The following ZNF19 variants were observed in gnomAD, a reference collection of about 807,000 sequenced individuals.
The protein encoded by ZNF19 is zinc finger protein 19 (KOX 12).
In ZNF19, 11 loss-of-function variants were observed where a neutral mutation model predicts 13.1. The ratio of observed to expected loss-of-function variants is 0.84; its 90% CI spans 0.53 to 1.39. ZNF19 has a LOEUF of 1.39. Ranked by LOEUF, ZNF19 falls within the 40% of genes most tolerant of loss-of-function variation. The probability of loss-of-function intolerance (pLI) is 0.00; values close to 1 mark genes in which losing one functional copy is unlikely to be tolerated. For missense variants in ZNF19, 560 were observed against 547.0 expected, an observed-to-expected ratio of 1.02 and a Z score of -0.24; for synonymous variants, 186 against 187.0, an observed-to-expected ratio of 0.99 and a Z score of 0.04.
chr16:71,487,778 C>G (rs920914867), intron 1 of ZNF19, among the ~76,000 whole-genome samples: 3 of 152,130 alleles, frequency 2.0e-5, no homozygotes, highest in African/African-American at 7.2e-5. Context: ...TCTGAAAATC[C>G]CAGCCACAAA....
chr16:71,478,756 A>T, intron 4 of ZNF19, 123 bp downstream of exon 4: 1 of 1,346,622 alleles, frequency 7.4e-7, no homozygotes, highest in Non-Finnish European at 1.0e-6. Flanking sequence ...CTCTGCAGTC[A>T]CTCAGTGGAG....
intron 5 of ZNF19, 174 bp downstream of exon 5, chr16:71,478,054 G>C: frequency 1.7e-6 from 1 of 581,220 alleles, no homozygotes. Context: ...TTGCAGATGA[G>C]ACGTACTGAG....
In ZNF19 at chr16:71,478,886, A is replaced by T. The variant is rs1243617662; in HGVS notation, c.153T>A (p.Thr51=). Reference sequence around the variant, plus strand: ...GGAGGAAAATGGCCTTACCCAAAGCAGTCAGGTTCCCAAAATTCTCCAACA... The same window carrying T: ...GGAGGAAAATGGCCTTACCCAAAGCTGTCAGGTTCCCAAAATTCTCCAACA... ...SVMLENFGNL[T]ALGYPVPKPA... is the part of the protein sequence containing the mutation. Residue 51 remains threonine, a synonymous_variant, in exon 4 of 6, where the codon ACT becomes ACA. Coordinates refer to ENST00000288177, the MANE Select transcript of ZNF19 (RefSeq NM_006961.4). 1 of 1,614,020 alleles carries T rather than the reference A, an allele frequency of 6.2e-7. No individual in the cohort carries two copies. The highest frequency in any genetic ancestry group is 1.3e-5 in the African/African-American group (1 of 74,948).
chr16:71,484,745 A>G lies in ZNF19; in HGVS notation c.-186T>C. On this transcript the variant is annotated 5_prime_UTR_variant, in exon 2 of 6. Transcript: ENST00000288177. ...GGAGTTTCCACCCGGGGATCCTCAG[A>G]GACCTTGAATAGGAAAGAAAGTATA... 1.0e-6 allele frequency: 1 copy of G among 985,360 alleles called. No individual in the cohort carries two copies. Among genetic ancestry groups the G allele is most frequent in the Non-Finnish European group, 1.2e-6 (1 of 829,866 alleles). The allele number at this position is 985,360 out of a possible 1,614,324, so 61.0% of individuals were successfully genotyped here. A position where few individuals can be genotyped will look rare whatever the true frequency, so the allele number is the denominator to read the frequency against.
In ZNF19 at chr16:71,478,765, A is replaced by G; in HGVS notation, c.160+114T>C. 3 of 1,410,780 alleles carry G rather than the reference A, an allele frequency of 2.1e-6. No homozygotes were observed. In the Admixed American group the frequency reaches 6.3e-5, roughly 30 times the overall value. The allele number at this position is 1,410,780 out of a possible 1,614,324, so 87.4% of individuals were successfully genotyped here. ...CCTCAGCTCTGCAGTCACTCAGTGG[A>G]GGACACAAGAGACAACCTCTCCTCT... On this transcript the variant is annotated intron_variant, in intron 4 of 5. Coordinates refer to ENST00000288177, the MANE Select transcript of ZNF19 (RefSeq NM_006961.4).
intron 1 of ZNF19, chr16:71,487,280 G>C (rs1012261798): frequency 6.6e-6 from 1 of 152,124 alleles, no homozygotes; most frequent in Admixed American, 6.6e-5. Context: ...TGGTTGTTTC[G>C]AAGTGTGTTG....
intron 3 of ZNF19, among the ~76,000 whole-genome samples, chr16:71,479,767 T>A (rs1484655380): frequency 6.6e-6 from 1 of 151,746 alleles, no homozygotes; most frequent in African/African-American, 2.4e-5. Flanking sequence ...TTTTTTTTTC[T>A]TTCTTTCTTT....
chr16:71,480,966 A>G (rs2043633615), intron 3 of ZNF19, among the ~76,000 whole-genome samples: 2 of 152,224 alleles, frequency 1.3e-5, no homozygotes, highest in African/African-American at 4.8e-5. Flanking sequence ...GTGCACAACT[A>G]TACACAGAGA....
In ZNF19 at chr16:71,475,490, C is replaced by T; in HGVS notation, c.1057G>A (p.Glu353Lys). The change falls in exon 6 of 6, where the codon GAG (glutamate) becomes AAG (lysine). Residue 353 changes from glutamate (E) to lysine (K), a missense_variant. By Grantham distance (56) the Glu-to-Lys change is moderately conservative. Transcript: ENST00000288177. ...KLTRHQRIHS[E>K]EKPFDCVDCG... The stretch of plus-strand genomic sequence containing the variant: ...TCTACACAGTCAAAGGGTTTCTCCT[C>T]ACTGTGAATTCTCTGGTGCCGAGTT... 1 of 1,614,188 alleles carries T rather than the reference C, an allele frequency of 6.2e-7. No homozygotes were observed. Among genetic ancestry groups the T allele is most frequent in the Non-Finnish European group, 8.5e-7 (1 of 1,180,016 alleles).
chr16:71,475,510 CGAGT>C lies in ZNF19; in HGVS notation c.1033_1036del (p.Thr345GlyfsTer15). The C allele has an allele frequency of 6.2e-7, 1 of 1,614,114 alleles. No individual in the cohort carries two copies. Among genetic ancestry groups the C allele is most frequent in the Non-Finnish European group, 8.5e-7 (1 of 1,180,024 alleles). Reference sequence around the variant, plus strand: ...CTCCTCACTGTGAATTCTCTGGTGCCGAGTTAGTTTTGTATGAAAATTGAAGGCT... The same window carrying C: ...CTCCTCACTGTGAATTCTCTGGTGCCTAGTTTTGTATGAAAATTGAAGGCT... On this transcript the variant is annotated frameshift_variant, in exon 6 of 6. Transcript: ENST00000288177. LOFTEE classifies it low-confidence loss of function (END_TRUNC).
chr16:71,482,944 C>G (rs945503277), intron 2 of ZNF19, among the ~76,000 whole-genome samples: 1 of 152,218 alleles, frequency 6.6e-6, no homozygotes, highest in Non-Finnish European at 1.5e-5. Flanking sequence ...CTCTAGCGAT[C>G]CACCCACCTC....
intron 5 of ZNF19, chr16:71,478,014 A>G: frequency 2.0e-6 from 1 of 503,792 alleles, no homozygotes. Flanking sequence ...GGCAATGTTG[A>G]AACTCAGAAA....
At chr16:71,488,298 T>C (rs1272031534) in intron 1 of ZNF19, among the ~76,000 whole-genome samples, 1 of 146,164 alleles carries the variant, frequency 6.8e-6, no homozygotes, top group Non-Finnish European at 1.5e-5. Context: ...AGGTGGAGGA[T>C]GCAGTAAGCT....
Position 71,475,030 on chromosome 16 carries a change from C to T in ZNF19, c.*140G>A. ...TGCAATCCTGGGACTCTAATTGAAC[C>T]ATCTTTGGTCATCTACTGACATCTG... On this transcript the variant is annotated 3_prime_UTR_variant, in exon 6 of 6. Coordinates refer to ENST00000288177, the MANE Select transcript of ZNF19 (RefSeq NM_006961.4). 1 of 1,062,582 alleles carries T rather than the reference C, an allele frequency of 9.4e-7. No individual in the cohort carries two copies. The highest frequency in any genetic ancestry group is 1.7e-5 in the South Asian group (1 of 57,470). 65.8% of individuals were successfully genotyped at this position (1,062,582 alleles called of 1,614,324 possible).
chr16:71,484,604 A>C lies in ZNF19; in HGVS notation c.-45T>G. 5.1e-6 allele frequency: 5 copies of C among 985,380 alleles called. No individual in the cohort carries two copies. Among genetic ancestry groups the C allele is most frequent in the Non-Finnish European group, 6.0e-6 (5 of 829,940 alleles). The allele number at this position is 985,380 out of a possible 1,614,324, so 61.0% of individuals were successfully genotyped here. On this transcript the variant is annotated 5_prime_UTR_variant, in exon 2 of 6. Coordinates refer to ENST00000288177, the MANE Select transcript of ZNF19 (RefSeq NM_006961.4). ...CAACACTCACCTCAGGAAAAACAGA[A>C]AGCGGTGCGTGAACGGAAGTGCGTC...
chr16:71,475,023 A>G lies in ZNF19; in HGVS notation c.*147T>C. 1 of 1,030,170 alleles carries G rather than the reference A, an allele frequency of 9.7e-7. No individual in the cohort carries two copies. The highest frequency in any genetic ancestry group is 1.4e-6 in the Non-Finnish European group (1 of 725,158). 63.8% of individuals were successfully genotyped at this position (1,030,170 alleles called of 1,614,324 possible). A position where few individuals can be genotyped will look rare whatever the true frequency, so the allele number is the denominator to read the frequency against. On this transcript the variant is annotated 3_prime_UTR_variant, in exon 6 of 6. Coordinates refer to ENST00000288177, the MANE Select transcript of ZNF19 (RefSeq NM_006961.4). Reference sequence around the variant, plus strand: ...TAGCTCTTGCAATCCTGGGACTCTAATTGAACCATCTTTGGTCATCTACTG... The same window carrying G: ...TAGCTCTTGCAATCCTGGGACTCTAGTTGAACCATCTTTGGTCATCTACTG...
chr16:71,484,109 G>A (rs1423115291), intron 2 of ZNF19, among the ~76,000 whole-genome samples: 2 of 152,250 alleles, frequency 1.3e-5, no homozygotes, highest in African/African-American at 2.4e-5. Flanking sequence ...TGCACGTCAA[G>A]AACTTGGTCT....
intron 1 of ZNF19, among the ~76,000 whole-genome samples, chr16:71,485,450 C>CAA (rs143351394): frequency 3.8e-5 from 3 of 77,984 alleles, no homozygotes; most frequent in Admixed American, 1.5e-4. Context: ...AACTCCATCT[C>CAA]AAAAAAAAAA....
Position 71,475,200 on chromosome 16 carries a change from G to A in ZNF19, c.1347C>T (p.Leu449=), listed in dbSNP as rs143589546. Reference sequence around the variant, plus strand: ...AGTAAAAGGGGGTAAAAAATTCTGGGAGGCCAAAACGACAAATGTCCAGCA... The same window carrying A: ...AGTAAAAGGGGGTAAAAAATTCTGGAAGGCCAAAACGACAAATGTCCAGCA... ...KPVLDICRFG[L]PEFFTPFYW The change falls in exon 6 of 6, where the codon CTC becomes CTT. Residue 449 remains leucine, a synonymous_variant. Coordinates refer to ENST00000288177, the MANE Select transcript of ZNF19 (RefSeq NM_006961.4). 9.7e-5 allele frequency: 157 copies of A among 1,610,522 alleles called. 1 individual carries two copies. The African/African-American group carries it at 1.3e-3, about 13-fold the overall frequency.
Sources: gnomAD v4.1 joint callset for allele counts (sites outside exome capture counted in the v4.1 genomes callset) on GRCh38, gnomAD v4.1.1 for gene constraint, MANE v1.5 for transcripts, NCBI Gene and HGNC (gene_info 2026-07-23, HGNC 2026-07-21) for gene names.